The following CDK5R2 variants were observed in gnomAD, a reference collection of about 807,000 sequenced individuals.
The protein encoded by CDK5R2 is cyclin dependent kinase 5 regulatory subunit 2, also known as cyclin-dependent kinase 5 activator 2.
A neutral mutation model predicts 23.1 loss-of-function variants in CDK5R2; 7 were observed. The ratio of observed to expected loss-of-function variants is 0.30; its 90% CI spans 0.17 to 0.57. The LOEUF (loss-of-function observed/expected upper bound fraction) is 0.57. CDK5R2 is among the 20% of genes least tolerant of loss of function. The pLI, the probability that CDK5R2 is intolerant of heterozygous loss-of-function variation, is 0.91. For synonymous variants in CDK5R2, 242 were observed against 264.9 expected (o/e 0.91, Z 0.84); for missense variants, 380 against 537.6 (o/e 0.71, Z 2.90).
chr2:218,960,269 C>T lies in CDK5R2; in HGVS notation c.449C>T (p.Ser150Leu). 1.6e-6 allele frequency: 2 copies of T among 1,278,972 alleles called. No homozygotes were observed. The highest frequency in any genetic ancestry group is 2.0e-6 in the Non-Finnish European group (2 of 1,020,910). 79.2% of individuals were successfully genotyped at this position (1,278,972 alleles called of 1,614,324 possible). Residue 150 changes from serine to leucine, a missense_variant, in exon 1 of 1, where the codon TCG (serine) becomes TTG (leucine). This residue lies in a region of CDK5R2 where 197 missense variants were observed against 246.4 expected (regional missense o/e 0.80). Coordinates refer to ENST00000302625, the MANE Select transcript of CDK5R2 (RefSeq NM_003936.5). ...GGSAAAQPPG[S>L]GGGKPPPPPP... Reference sequence around the variant, plus strand: ...AGCGCGGCCGCTCAGCCGCCGGGCTCGGGCGGGGGAAAGCCTCCGCCGCCG... The same window carrying T: ...AGCGCGGCCGCTCAGCCGCCGGGCTTGGGCGGGGGAAAGCCTCCGCCGCCG...
Position 218,960,575 on chromosome 2 carries a change from T to C in CDK5R2, c.755T>C (p.Leu252Pro). The C allele has an allele frequency of 6.2e-7, 1 of 1,613,868 alleles. No homozygotes were observed. The highest frequency in any genetic ancestry group is 8.5e-7 in the Non-Finnish European group (1 of 1,179,908). The change falls in exon 1 of 1, where the codon CTG becomes CCG. Residue 252 changes from leucine to proline, a missense_variant. Physicochemically the swap from Leu to Pro is moderately conservative, Grantham distance 98. Coordinates refer to ENST00000302625, the MANE Select transcript of CDK5R2 (RefSeq NM_003936.5). ...CGCGAGTCGCTGCGTGGGGACGAGC[T>C]GGCGTCGGCCGCCGAGCTGCAGGCC... The part of the protein sequence containing the change: ...LCRESLRGDE[L>P]ASAAELQAAF...
rs1486699135 is a variant in CDK5R2, at chr2:218,960,054, A to G, written c.234A>G (p.Lys78=). Residue 78 remains lysine, a synonymous_variant, in exon 1 of 1, where the codon AAA becomes AAG. Coordinates refer to ENST00000302625, the MANE Select transcript of CDK5R2 (RefSeq NM_003936.5). ...TGGCCGCGTCCGCCAAGAAGAAGAA[A>G]GGCAGCAAGAAGGTGACACCCAAGC... ...RLVAASAKKK[K]GSKKVTPKPA... 1.9e-6 allele frequency: 3 copies of G among 1,602,900 alleles called. No homozygotes were observed. Among genetic ancestry groups the G allele is most frequent in the East Asian group, 4.5e-5 (2 of 44,054 alleles).
Position 218,959,709 on chromosome 2 carries a change from G to C in CDK5R2, c.-112G>C. The C allele has an allele frequency of 1.7e-6, 2 of 1,188,756 alleles. No homozygotes were observed. Among genetic ancestry groups the C allele is most frequent in the Admixed American group, 4.4e-5 (1 of 22,514 alleles). 73.6% of individuals were successfully genotyped at this position (1,188,756 alleles called of 1,614,324 possible). ...AGCAGCCACCTTCCCCCGCCAGTCC[G>C]CGCGCCCGGGCCGGGGCTAGGCCCC... is the stretch of plus-strand genomic sequence containing the variant. On this transcript the variant is annotated 5_prime_UTR_variant, in exon 1 of 1. Coordinates refer to ENST00000302625, the MANE Select transcript of CDK5R2 (RefSeq NM_003936.5). The surrounding 1 kb of genome is among the most constrained non-coding windows in gnomAD (Gnocchi z 4.0).
rs765570302 is a variant in CDK5R2, at chr2:218,960,673, C to T, written c.853C>T (p.Leu285Phe). Residue 285 changes from leucine to phenylalanine, a missense_variant, in exon 1 of 1, where the codon CTC becomes TTC. This residue lies in a region of CDK5R2 where 124 missense variants were observed against 235.5 expected (regional missense o/e 0.53). Transcript: ENST00000302625. ...NEISYPLKPF[L>F]VEPDKERFWQ... ...GATCTCCTACCCACTCAAGCCCTTC[C>T]TCGTGGAGCCCGACAAGGAGCGCTT... 1 of 1,614,084 alleles carries T rather than the reference C, an allele frequency of 6.2e-7. No homozygotes were observed.
Position 218,960,358 on chromosome 2 carries a change from C to A in CDK5R2, c.538C>A (p.Gln180Lys). The A allele has an allele frequency of 6.5e-7, 1 of 1,543,776 alleles. No homozygotes were observed. The highest frequency in any genetic ancestry group is 1.8e-4 in the Middle Eastern group (1 of 5,656). Residue 180 changes from glutamine to lysine, a missense_variant, in exon 1 of 1, where the codon CAG becomes AAG. Coordinates refer to ENST00000302625, the MANE Select transcript of CDK5R2 (RefSeq NM_003936.5). ...PGGSPRRVIV[Q>K]ASTGELLRCL... ...CGGCTCGCCGCGGCGGGTCATCGTG[C>A]AGGCGTCCACCGGCGAGCTGCTGCG...
In CDK5R2 at chr2:218,960,297, TC is replaced by T. The variant is rs2105999423; in HGVS notation, c.482del (p.Pro161GlnfsTer44). 2 of 1,374,814 alleles carry T rather than the reference TC, an allele frequency of 1.5e-6. No individual in the cohort carries two copies. Among genetic ancestry groups the T allele is most frequent in the Non-Finnish European group, 9.3e-7 (1 of 1,073,084 alleles). The allele number at this position is 1,374,814 out of a possible 1,614,324, so 85.2% of individuals were successfully genotyped here. A position where few individuals can be genotyped will look rare whatever the true frequency, so the allele number is the denominator to read the frequency against. ...SGGGKPPPPP[P>X]PAPQVAPPVP... ...GCGGGGGAAAGCCTCCGCCGCCGCC[TC>T]CCCCAGCCCCGCAGGTGGCGCCGCC... On this transcript the variant is annotated frameshift_variant, in exon 1 of 1. Transcript: ENST00000302625. LOFTEE classifies it high-confidence loss of function.
chr2:218,961,396 C>T lies in CDK5R2; in HGVS notation c.*472C>T, dbSNP rs1422567463. On this transcript the variant is annotated 3_prime_UTR_variant, in exon 1 of 1. Coordinates refer to ENST00000302625, the MANE Select transcript of CDK5R2 (RefSeq NM_003936.5). The surrounding 1 kb of genome is among the most constrained non-coding windows in gnomAD (Gnocchi z 4.4). ...CCTTGGGTTTGTGTGTCTGCATCTC[C>T]ATCTTACCCCTTGCCTGACTGTACC... 1 of 171,130 alleles carries T rather than the reference C, an allele frequency of 5.8e-6. No individual in the cohort carries two copies. Among genetic ancestry groups the T allele is most frequent in the Non-Finnish European group, 1.4e-5 (1 of 71,454 alleles). The allele number at this position is 171,130 out of a possible 1,614,324, so 10.6% of individuals were successfully genotyped here. A position where few individuals can be genotyped will look rare whatever the true frequency, so the allele number is the denominator to read the frequency against.
chr2:218,960,427 G>A lies in CDK5R2; in HGVS notation c.607G>A (p.Glu203Lys), dbSNP rs1475907215. ...FVCRRCYRLKELSPGELVGWF... is the reference protein window; with the variant it reads ...FVCRRCYRLKKLSPGELVGWF... Reference sequence around the variant, plus strand: ...GTGCCGACGCTGCTATCGCCTCAAGGAGCTGAGCCCGGGCGAGCTGGTGGG... The same window carrying A: ...GTGCCGACGCTGCTATCGCCTCAAGAAGCTGAGCCCGGGCGAGCTGGTGGG... Residue 203 changes from glutamate to lysine, a missense_variant, in exon 1 of 1, where the codon GAG (glutamate) becomes AAG (lysine). Physicochemically the swap from Glu to Lys is moderately conservative, Grantham distance 56 (BLOSUM62 1). Transcript: ENST00000302625. The A allele has an allele frequency of 6.2e-7, 1 of 1,610,104 alleles. No homozygotes were observed. Among genetic ancestry groups the A allele is most frequent in the African/African-American group, 1.3e-5 (1 of 74,922 alleles).
rs1302471880 is a variant in CDK5R2 at position 218,961,578 on chromosome 2, C to T, written c.*654C>T. On this transcript the variant is annotated 3_prime_UTR_variant, in exon 1 of 1. Transcript: ENST00000302625. This position sits in a 1 kb window ranked among gnomAD's most constrained non-coding sequence, Gnocchi z 4.4. Reference sequence around the variant, plus strand: ...TGACTGAGTCACCACACCCCTCTCCCCTGATCAAAGGGAATATTAGTTTTT... The same window carrying T: ...TGACTGAGTCACCACACCCCTCTCCTCTGATCAAAGGGAATATTAGTTTTT... 6.0e-6 allele frequency: 1 copy of T among 167,328 alleles called. No homozygotes were observed. 10.4% of individuals were successfully genotyped at this position (167,328 alleles called of 1,614,324 possible).
chr2:218,960,484 C>T lies in CDK5R2; in HGVS notation c.664C>T (p.Leu222=). The change falls in exon 1 of 1, where the codon CTG becomes TTG. Residue 222 remains leucine, a synonymous_variant. Coordinates refer to ENST00000302625, the MANE Select transcript of CDK5R2 (RefSeq NM_003936.5). The stretch of plus-strand genomic sequence containing the variant: ...CCGCGGTGTGGACCGCTCGCTGCTG[C>T]TGCAGGGCTGGCAAGACCAGGCCTT... The part of the protein sequence containing the change: ...WFRGVDRSLL[L]QGWQDQAFIT... 1 of 1,613,710 alleles carries T rather than the reference C, an allele frequency of 6.2e-7. No individual in the cohort carries two copies. The highest frequency in any genetic ancestry group is 8.5e-7 in the Non-Finnish European group (1 of 1,179,916).
Position 218,961,256 on chromosome 2 carries a change from T to G in CDK5R2, c.*332T>G. 3.6e-6 allele frequency: 1 copy of G among 280,526 alleles called. No homozygotes were observed. The allele number at this position is 280,526 out of a possible 1,614,324, so 17.4% of individuals were successfully genotyped here. On this transcript the variant is annotated 3_prime_UTR_variant, in exon 1 of 1. Coordinates refer to ENST00000302625, the MANE Select transcript of CDK5R2 (RefSeq NM_003936.5). The surrounding 1 kb of genome is among the most constrained non-coding windows in gnomAD (Gnocchi z 4.4). ...TCCCCCTCGGTTTTATCCATTTCCT[T>G]GCCTCCTTTTTGTGTCTTCATTTTT...
In CDK5R2 at chr2:218,961,005, G is replaced by T; in HGVS notation, c.*81G>T. ...CCCCCGGGACCACAAAGCCACCGCCGCTGTTACCGCCGCTCAGCGCCCCGG... is the reference window on the plus strand; with the variant it reads ...CCCCCGGGACCACAAAGCCACCGCCTCTGTTACCGCCGCTCAGCGCCCCGG... On this transcript the variant is annotated 3_prime_UTR_variant, in exon 1 of 1. Coordinates refer to ENST00000302625, the MANE Select transcript of CDK5R2 (RefSeq NM_003936.5). The surrounding 1 kb of genome is among the most constrained non-coding windows in gnomAD (Gnocchi z 4.4). 2 of 685,234 alleles carry T rather than the reference G, an allele frequency of 2.9e-6. No individual in the cohort carries two copies. Among genetic ancestry groups the T allele is most frequent in the Non-Finnish European group, 4.4e-6 (2 of 451,918 alleles). 42.4% of individuals were successfully genotyped at this position (685,234 alleles called of 1,614,324 possible).
At position 218,962,032 on chromosome 2, in the gene CDK5R2, C is replaced by T. The variant is rs1574481088; in HGVS notation, c.*1108C>T. 1 of 167,260 alleles carries T rather than the reference C, an allele frequency of 6.0e-6. No homozygotes were observed. Among genetic ancestry groups the T allele is most frequent in the East Asian group, 1.9e-4 (1 of 5,196 alleles). The allele number at this position is 167,260 out of a possible 1,614,324, so 10.4% of individuals were successfully genotyped here. ...GACCGGAATCCTCCCGGTAGGGTACCAGGGACTGAGTTGGGCCTGGGGCCG... is the reference window on the plus strand; with the variant it reads ...GACCGGAATCCTCCCGGTAGGGTACTAGGGACTGAGTTGGGCCTGGGGCCG... On this transcript the variant is annotated 3_prime_UTR_variant, in exon 1 of 1. Transcript: ENST00000302625.
In CDK5R2 at chr2:218,961,944, C is replaced by A. The variant is rs1245557300; in HGVS notation, c.*1020C>A. 1 of 151,380 alleles carries A rather than the reference C, an allele frequency of 6.6e-6. No homozygotes were observed. Among genetic ancestry groups the A allele is most frequent in the African/African-American group, 2.6e-5 (1 of 37,810 alleles). The allele number at this position is 151,380 out of a possible 1,614,324, so 9.4% of individuals were successfully genotyped here. On this transcript the variant is annotated 3_prime_UTR_variant, in exon 1 of 1. Transcript: ENST00000302625. The surrounding 1 kb of genome is among the most constrained non-coding windows in gnomAD (Gnocchi z 4.4). ...CCCTTTTAATTTATTTGGTTGTTTG[C>A]GGAGGGAGGGGGGAGGGGGGTAGGC... is the stretch of plus-strand genomic sequence containing the variant.
In CDK5R2 at chr2:218,960,702, G is replaced by A. The variant is rs1197011702; in HGVS notation, c.882G>A (p.Trp294Ter). The A allele has an allele frequency of 6.2e-7, 1 of 1,613,914 alleles. No homozygotes were observed. Among genetic ancestry groups the A allele is most frequent in the Non-Finnish European group, 8.5e-7 (1 of 1,179,918 alleles). The change falls in exon 1 of 1, where the codon TGG (tryptophan) becomes TGA (stop). Residue 294 changes from tryptophan (W) to a stop codon, truncating the protein, a stop_gained. Transcript: ENST00000302625. LOFTEE classifies it high-confidence loss of function. ...FLVEPDKERF[W>*]QRCLRLIQRL... ...TGGAGCCCGACAAGGAGCGCTTCTG[G>A]CAGCGCTGCCTGCGCCTCATCCAGC...
Position 218,959,993 on chromosome 2 carries a change from C to A in CDK5R2, c.173C>A (p.Ser58Tyr). Residue 58 changes from serine to tyrosine, a missense_variant, in exon 1 of 1, where the codon TCC (serine) becomes TAC (tyrosine). Ser to Tyr is a moderately radical substitution (Grantham distance 144, BLOSUM62 -2). Coordinates refer to ENST00000302625, the MANE Select transcript of CDK5R2 (RefSeq NM_003936.5). The surrounding 1 kb of genome is among the most constrained non-coding windows in gnomAD (Gnocchi z 4.0). ...GGCGAGAGCCGACTCAAGCGGCCGT[C>A]CGTGCTCATCTCGGCGCTCACCTGG... ...GKGESRLKRP[S>Y]VLISALTWKR... 6.4e-7 allele frequency: 1 copy of A among 1,568,666 alleles called. No individual in the cohort carries two copies. The highest frequency in any genetic ancestry group is 2.4e-5 in the East Asian group (1 of 40,954).
rs893749446 is a variant in CDK5R2 at position 218,960,101 on chromosome 2, C to T, written c.281C>T (p.Pro94Leu). The T allele has an allele frequency of 3.1e-6, 5 of 1,600,574 alleles. No homozygotes were observed. The Admixed American group carries it at 6.9e-5, about 22-fold the overall frequency. The change falls in exon 1 of 1, where the codon CCC becomes CTC. Residue 94 changes from proline to leucine, a missense_variant. Physicochemically the swap from Pro to Leu is moderately conservative, Grantham distance 98. This residue lies in a region of CDK5R2 where 197 missense variants were observed against 246.4 expected (regional missense o/e 0.80). Transcript: ENST00000302625. ...TPKPASTGPD[P>L]LVQQRNRENL... Reference sequence around the variant, plus strand: ...AAGCCGGCATCCACGGGCCCCGACCCCCTGGTCCAGCAACGCAACCGCGAG... The same window carrying T: ...AAGCCGGCATCCACGGGCCCCGACCTCCTGGTCCAGCAACGCAACCGCGAG...
chr2:218,960,855 C>T lies in CDK5R2; in HGVS notation c.1035C>T (p.Ala345=). ...GGGPPSGGAP[A]ASSAARDSCA... ...GCCCACCGAGCGGGGGCGCGCCCGCCGCCTCCTCGGCCGCCAGGGACAGCT... is the reference window on the plus strand; with the variant it reads ...GCCCACCGAGCGGGGGCGCGCCCGCTGCCTCCTCGGCCGCCAGGGACAGCT... Residue 345 remains alanine (A), a synonymous_variant, in exon 1 of 1, where the codon GCC becomes GCT. Coordinates refer to ENST00000302625, the MANE Select transcript of CDK5R2 (RefSeq NM_003936.5). 6 of 1,492,768 alleles carry T rather than the reference C, an allele frequency of 4.0e-6. No individual in the cohort carries two copies. The highest frequency in any genetic ancestry group is 1.4e-5 in the South Asian group (1 of 73,456). The allele number at this position is 1,492,768 out of a possible 1,614,324, so 92.5% of individuals were successfully genotyped here. A position where few individuals can be genotyped will look rare whatever the true frequency, so the allele number is the denominator to read the frequency against.
Sources: allele counts gnomAD v4.1 joint callset, GRCh38; gene constraint gnomAD v4.1.1; regional missense constraint gnomAD v4.1.1; non-coding constraint Gnocchi (gnomAD v3.1); transcripts MANE v1.5; gene names NCBI Gene and HGNC (gene_info 2026-07-23, HGNC 2026-07-21).